The following FLRT2 variants were observed in gnomAD, a reference collection of about 807,000 sequenced individuals.
FLRT2 encodes fibronectin leucine rich transmembrane protein 2, also known as leucine-rich repeat transmembrane protein FLRT2.
In FLRT2, 15 loss-of-function variants were observed where a neutral mutation model predicts 40.0. The observed-to-expected ratio is 0.38, with a 90% CI of 0.25 to 0.58. The LOEUF (loss-of-function observed/expected upper bound fraction) is 0.58, where lower values mean the gene tolerates loss of function less well. FLRT2 is among the 20% of genes least tolerant of loss of function. The probability of loss-of-function intolerance (pLI) is 0.71; values close to 1 mark genes in which losing one functional copy is unlikely to be tolerated. For missense variants in FLRT2, 726 were observed against 840.0 expected, an observed-to-expected ratio of 0.86 and a Z score of 1.68; for synonymous variants, 380 against 336.8, an observed-to-expected ratio of 1.13 and a Z score of -1.41.
intron 1 of FLRT2, among the ~76,000 whole-genome samples, chr14:85,569,103 A>G (rs1377148216): frequency 2.0e-5 from 3 of 152,206 alleles, no homozygotes; most frequent in Admixed American, 2.0e-4. Flanking sequence ...GTGGATTTTT[A>G]GGCTTTGTGA....
At chr14:85,536,095 A>G (rs1023560492) in intron 1 of FLRT2, among the ~76,000 whole-genome samples, 3 of 151,930 alleles carry the variant, frequency 2.0e-5, no homozygotes, top group African/African-American at 7.3e-5. Context: ...CCTGTATGTT[A>G]GGTTTCAGAT....
chr14:85,585,903 A>G (rs762362367), intron 1 of FLRT2, among the ~76,000 whole-genome samples: 3 of 151,894 alleles, frequency 2.0e-5, no homozygotes, highest in African/African-American at 4.8e-5. Context: ...TGATAATGAT[A>G]GAAGATATTT....
At chr14:85,549,818 T>A (rs1889504293) in intron 1 of FLRT2, among the ~76,000 whole-genome samples, 1 of 151,948 alleles carries the variant, frequency 6.6e-6, no homozygotes, top group African/African-American at 2.4e-5. Flanking sequence ...CTATTTTTTT[T>A]TTTTTTTTTT....
intron 1 of FLRT2, among the ~76,000 whole-genome samples, chr14:85,587,989 T>C (rs535782074): frequency 6.6e-6 from 1 of 152,134 alleles, no homozygotes; most frequent in Admixed American, 6.5e-5. Flanking sequence ...TGGAGTGCAG[T>C]GGCGCAATCT....
At chr14:85,533,448 C>G (rs945082436) in intron 1 of FLRT2, among the ~76,000 whole-genome samples, 5 of 152,010 alleles carry the variant, frequency 3.3e-5, no homozygotes, top group East Asian at 2.0e-4. Flanking sequence ...CGCCCGGCTC[C>G]GAGCTGTCCG....
At chr14:85,593,187 A>C (rs568741217) in intron 1 of FLRT2, among the ~76,000 whole-genome samples, 1 of 152,206 alleles carries the variant, frequency 6.6e-6, no homozygotes, top group Non-Finnish European at 1.5e-5. Flanking sequence ...ACATTTTGCT[A>C]GATGTTTATA....
chr14:85,606,924 G>A (rs1418168911), intron 1 of FLRT2, among the ~76,000 whole-genome samples: 1 of 149,712 alleles, frequency 6.7e-6, no homozygotes, highest in South Asian at 2.1e-4. Context: ...GCCACCATCC[G>A]AAGGAGATTG....
At chr14:85,620,110 G>A (rs1207105363) in intron 1 of FLRT2, among the ~76,000 whole-genome samples, 6 of 152,126 alleles carry the variant, frequency 3.9e-5, no homozygotes, top group Non-Finnish European at 8.8e-5. Flanking sequence ...GGTGACTTGA[G>A]GTGCAAGCTA....
In FLRT2 at chr14:85,635,768, C is replaced by T. The variant is rs545977862; in HGVS notation, c.*12271C>T. The T allele has an allele frequency of 6.6e-6, 1 of 151,946 alleles. No homozygotes were observed. The highest frequency in any genetic ancestry group is 2.1e-4 in the South Asian group (1 of 4,790). 9.4% of individuals were successfully genotyped at this position (151,946 alleles called of 1,614,324 possible). ...AGAATAATTAGGAAATTCTTCTTTC[C>T]CAGACCTTCAATACTTTTATAAAAC... On this transcript the variant is annotated 3_prime_UTR_variant, in exon 2 of 2. Coordinates refer to ENST00000330753, the MANE Select transcript of FLRT2 (RefSeq NM_013231.6).
At position 85,638,955 on chromosome 14, in the gene FLRT2, C is replaced by A. The variant is rs767845976; in HGVS notation, c.*15458C>A. Reference sequence around the variant, plus strand: ...GTTAGCTAATAATCAATTCTTTGAACGAAGCCCAGTGAAACCAAGTTTATC... The same window carrying A: ...GTTAGCTAATAATCAATTCTTTGAAAGAAGCCCAGTGAAACCAAGTTTATC... On this transcript the variant is annotated 3_prime_UTR_variant, in exon 2 of 2. Transcript: ENST00000330753. The A allele has an allele frequency of 1.3e-5, 2 of 152,176 alleles. No homozygotes were observed. Among genetic ancestry groups the A allele is most frequent in the Admixed American group, 6.5e-5 (1 of 15,282 alleles). 9.4% of individuals were successfully genotyped at this position (152,176 alleles called of 1,614,324 possible). A position where few individuals can be genotyped will look rare whatever the true frequency, so the allele number is the denominator to read the frequency against.
intron 1 of FLRT2, among the ~76,000 whole-genome samples, chr14:85,611,435 T>G (rs1464116446): frequency 6.6e-6 from 1 of 152,158 alleles, no homozygotes; most frequent in African/African-American, 2.4e-5. Flanking sequence ...ATTATGAAAT[T>G]TTAAAAAGCG....
At position 85,601,609 on chromosome 14, in the gene FLRT2, G is replaced by C. The variant is rs563644832; in HGVS notation, c.-376-19530G>C. ...ATACTTGGGTTTGAACCCCATCTTT[G>C]CTACTTGCTAACTGGACAAGCTTGA... On this transcript the variant is annotated intron_variant, in intron 1 of 1. Transcript: ENST00000330753. Among the ~76,000 whole-genome samples, 16 of 152,268 alleles carry C rather than the reference G, an allele frequency of 1.1e-4. No individual in the cohort carries two copies. The South Asian group carries it at 2.1e-3, about 20-fold the overall frequency.
At chr14:85,619,846 G>A (rs1003198254) in intron 1 of FLRT2, among the ~76,000 whole-genome samples, 4 of 152,224 alleles carry the variant, frequency 2.6e-5, no homozygotes, top group African/African-American at 9.7e-5. Context: ...AAGAAGGCAT[G>A]ATTACTATCT....
chr14:85,553,832 T>A (rs144908374), intron 1 of FLRT2, among the ~76,000 whole-genome samples: 6 of 152,340 alleles, frequency 3.9e-5, no homozygotes, highest in Middle Eastern at 3.4e-3. Context: ...TTTTGTGCTG[T>A]TGAAGAAATA....
intron 1 of FLRT2, among the ~76,000 whole-genome samples, chr14:85,557,678 G>A (rs1187997288): frequency 1.3e-5 from 2 of 152,242 alleles, no homozygotes; most frequent in African/African-American, 4.8e-5. Flanking sequence ...TTAGCCGGGT[G>A]TGGTGGCATG....
intron 1 of FLRT2, among the ~76,000 whole-genome samples, chr14:85,550,038 GA>G (rs5810259): frequency 0.65 from 95,120 of 147,062 alleles, 30,908 homozygotes; most frequent in Middle Eastern, 0.78. Flanking sequence ...TTATTTCTGG[GA>G]AAAAAAAAAA....
chr14:85,536,056 CT>C (rs1326180595), intron 1 of FLRT2, among the ~76,000 whole-genome samples: 2 of 151,794 alleles, frequency 1.3e-5, no homozygotes, highest in East Asian at 3.9e-4. Context: ...CTGGGCTACC[CT>C]GGAGTCCCCA....
In FLRT2 at chr14:85,629,376, G is replaced by A. The variant is rs891568061; in HGVS notation, c.*5879G>A. 1 of 152,168 alleles carries A rather than the reference G, an allele frequency of 6.6e-6. No individual in the cohort carries two copies. The highest frequency in any genetic ancestry group is 2.4e-5 in the African/African-American group (1 of 41,448). The allele number at this position is 152,168 out of a possible 1,614,324, so 9.4% of individuals were successfully genotyped here. On this transcript the variant is annotated 3_prime_UTR_variant, in exon 2 of 2. Coordinates refer to ENST00000330753, the MANE Select transcript of FLRT2 (RefSeq NM_013231.6). ...CCAAGTATTTGAAAACTTAGAAATT[G>A]TATTTCGTAATTACACATGCAGACA...
chr14:85,623,056 C>T lies in FLRT2; in HGVS notation c.1542C>T (p.Thr514=). ...ACACCATTTGTTCAGAGGCCACCAC[C>T]CATGCCTCCTATCTGAACAACGGCA... is the stretch of plus-strand genomic sequence containing the variant. ...VEDTICSEAT[T]HASYLNNGSN... Residue 514 remains threonine (T), a synonymous_variant, in exon 2 of 2, where the codon ACC becomes ACT. Coordinates refer to ENST00000330753, the MANE Select transcript of FLRT2 (RefSeq NM_013231.6). 6.2e-7 allele frequency: 1 copy of T among 1,614,194 alleles called. No homozygotes were observed.
Sources: allele counts gnomAD v4.1 joint callset (sites outside exome capture counted in the v4.1 genomes callset), GRCh38; gene constraint gnomAD v4.1.1; transcripts MANE v1.5; gene names NCBI Gene and HGNC (gene_info 2026-07-23, HGNC 2026-07-21).